The following ITGA11 variants were observed in gnomAD, a reference collection of about 807,000 sequenced individuals.
The protein encoded by ITGA11 is integrin subunit alpha 11, also known as integrin alpha-11.
ITGA11 carries 97 observed loss-of-function variants against 141.9 expected under a neutral mutation model. The ratio of observed to expected loss-of-function variants is 0.68; its 90% CI spans 0.58 to 0.81. The LOEUF (loss-of-function observed/expected upper bound fraction) is 0.81. Ranked by LOEUF, ITGA11 falls within the 30% of genes least tolerant of loss-of-function variation. The pLI, the probability that ITGA11 is intolerant of heterozygous loss-of-function variation, is 0.00. For synonymous variants in ITGA11, 658 were observed against 624.6 expected (o/e 1.05, Z -0.80); for missense variants, 1,387 against 1,559.2 (o/e 0.89, Z 1.86).
rs58198221 is a variant in ITGA11 at position 68,335,357 on chromosome 15, G to A, written c.1425+340C>T. 0.074 allele frequency among the ~76,000 whole-genome samples: 11,194 copies of A among 152,264 alleles called. 853 individuals are homozygous for A. Among genetic ancestry groups the A allele is most frequent in the African/African-American group, 0.19 (7,894 of 41,516 alleles). The stretch of plus-strand genomic sequence containing the variant: ...GTTTTCACCACCAATGACTCTTATA[G>A]CTTTCCAATTTGCATTCATCATTGT... On this transcript the variant is annotated intron_variant, in intron 12 of 29. Transcript: ENST00000315757. This position sits in a 1 kb window ranked among gnomAD's most constrained non-coding sequence, Gnocchi z 4.9.
chr15:68,306,613 G>A (rs986888718), intron 28 of ITGA11, among the ~76,000 whole-genome samples: 7 of 152,152 alleles, frequency 4.6e-5, no homozygotes, highest in Admixed American at 4.6e-4. Flanking sequence ...CCAAATGAAT[G>A]AACAAACAAA....
chr15:68,370,346 G>A (rs1196343642), intron 2 of ITGA11, among the ~76,000 whole-genome samples: 1 of 152,216 alleles, frequency 6.6e-6, no homozygotes, highest in African/African-American at 2.4e-5. Context: ...CGACCCTGGA[G>A]GTGCGGCTGT....
At chr15:68,395,810 A>G (rs553761968) in intron 2 of ITGA11, among the ~76,000 whole-genome samples, 1 of 145,066 alleles carries the variant, frequency 6.9e-6, no homozygotes, top group African/African-American at 2.6e-5. Context: ...AACATGGCAC[A>G]TGTATACCTA....
chr15:68,326,525 A>T lies in ITGA11; in HGVS notation c.2211+129T>A, dbSNP rs868499784. On this transcript the variant is annotated intron_variant, in intron 17 of 29. Transcript: ENST00000315757. The surrounding 1 kb of genome is among the most constrained non-coding windows in gnomAD (Gnocchi z 6.8). ...TGTGGAGTGGCCAAGGTCAGGGTAC[A>T]CTGTCCCTGGCTGGCTTCCTGAGGT... 1 of 996,454 alleles carries T rather than the reference A, an allele frequency of 1.0e-6. No individual in the cohort carries two copies. Among genetic ancestry groups the T allele is most frequent in the Admixed American group, 2.8e-5 (1 of 35,498 alleles). 61.7% of individuals were successfully genotyped at this position (996,454 alleles called of 1,614,324 possible). A position where few individuals can be genotyped will look rare whatever the true frequency, so the allele number is the denominator to read the frequency against.
At position 68,328,421 on chromosome 15, in the gene ITGA11, C is replaced by G. The variant is rs1483151672; in HGVS notation, c.1902-159G>C. ...GGGGCGAGGTGGAGGATGGAGGGGG[C>G]TTCGGATGTCAAAGGACTGGCAAGA... On this transcript the variant is annotated intron_variant, in intron 15 of 29. Transcript: ENST00000315757. This position sits in a 1 kb window ranked among gnomAD's most constrained non-coding sequence, Gnocchi z 4.8. Among the ~76,000 whole-genome samples, 1 of 151,334 alleles carries G rather than the reference C, an allele frequency of 6.6e-6. No individual in the cohort carries two copies. The highest frequency in any genetic ancestry group is 1.5e-5 in the Non-Finnish European group (1 of 67,850).
At position 68,332,071 on chromosome 15, in the gene ITGA11, C is replaced by A; in HGVS notation, c.1567-9G>T. 6.3e-7 allele frequency: 1 copy of A among 1,581,980 alleles called. No homozygotes were observed. The highest frequency in any genetic ancestry group is 8.6e-7 in the Non-Finnish European group (1 of 1,163,070). ...TTATAAACAAACAGGTTCTGCAAAA[C>A]CAGGGGCAGAAAAAGGCTGGGGAGG... On this transcript the variant is annotated splice_polypyrimidine_tract_variant and intron_variant, in intron 13 of 29. Transcript: ENST00000315757.
chr15:68,410,267 T>C (rs1008937500), intron 1 of ITGA11, among the ~76,000 whole-genome samples: 8 of 152,228 alleles, frequency 5.3e-5, no homozygotes, highest in Admixed American at 1.3e-4. Context: ...CACTGGTTCT[T>C]TGGGCTCTGC....
At chr15:68,406,397 C>T (rs1360320154) in intron 1 of ITGA11, among the ~76,000 whole-genome samples, 2 of 152,126 alleles carry the variant, frequency 1.3e-5, no homozygotes, top group Non-Finnish European at 2.9e-5. Context: ...GCTGTCCTTC[C>T]AACTTCAGAC....
intron 7 of ITGA11, among the ~76,000 whole-genome samples, chr15:68,352,873 C>T (rs1894958821): frequency 6.6e-6 from 1 of 152,202 alleles, no homozygotes; most frequent in Non-Finnish European, 1.5e-5. Flanking sequence ...AACTGGCTCC[C>T]AAATCACCAC....
At chr15:68,337,453 T>A (rs1595865911) in intron 11 of ITGA11, among the ~76,000 whole-genome samples, 1 of 152,136 alleles carries the variant, frequency 6.6e-6, no homozygotes, top group South Asian at 2.1e-4. Flanking sequence ...ACAGGAGGAA[T>A]CTTCCAGCAG....
At chr15:68,431,512 A>AC (rs979571057) in intron 1 of ITGA11, among the ~76,000 whole-genome samples, 4 of 151,594 alleles carry the variant, frequency 2.6e-5, no homozygotes, top group Admixed American at 2.6e-4. Context: ...CGCAGCCCTC[A>AC]CCCCCACCCT....
At position 68,310,976 on chromosome 15, in the gene ITGA11, G is replaced by A. The variant is rs551214432; in HGVS notation, c.3174+18C>T. ...TCTAACCCCAACCACTGTGGCTCTC[G>A]GTCTGGGGGACACTCACCAGCTGTG... On this transcript the variant is annotated intron_variant, in intron 26 of 29. Transcript: ENST00000315757. The A allele has an allele frequency of 2.5e-6, 4 of 1,581,470 alleles. No individual in the cohort carries two copies. The highest frequency in any genetic ancestry group is 1.3e-5 in the African/African-American group (1 of 74,120).
At chr15:68,353,749 G>T (rs1894984291) in intron 7 of ITGA11, among the ~76,000 whole-genome samples, 1 of 152,140 alleles carries the variant, frequency 6.6e-6, no homozygotes, top group South Asian at 2.1e-4. Context: ...AGAAACCAGA[G>T]TGGCCCATGG....
rs148252789 is a variant in ITGA11, at chr15:68,381,771, G to T, written c.165-12487C>A. Among the ~76,000 whole-genome samples, 151 of 152,326 alleles carry T rather than the reference G, an allele frequency of 9.9e-4. 1 individual carries two copies. In the East Asian group the frequency reaches 0.027, roughly 27 times the overall value. On this transcript the variant is annotated intron_variant, in intron 2 of 29. Transcript: ENST00000315757. ...GGGTTTTGCCATGTTGGCCAGGCTG[G>T]TCTTGAACTTCTGACCTCAGGTGAT...
intron 26 of ITGA11, among the ~76,000 whole-genome samples, chr15:68,310,303 C>A (rs1285283910): frequency 6.6e-6 from 1 of 152,168 alleles, no homozygotes; most frequent in Non-Finnish European, 1.5e-5. Flanking sequence ...AGTGTTGCTG[C>A]CGTGCTGCCC....
At chr15:68,426,361 A>G (rs762432075) in intron 1 of ITGA11, among the ~76,000 whole-genome samples, 1 of 152,126 alleles carries the variant, frequency 6.6e-6, no homozygotes, top group Non-Finnish European at 1.5e-5. Flanking sequence ...CCAAACCTTG[A>G]CCCTGAGAAT....
intron 1 of ITGA11, among the ~76,000 whole-genome samples, chr15:68,405,458 G>A (rs12050670): frequency 6.6e-6 from 1 of 151,740 alleles, no homozygotes; most frequent in East Asian, 1.9e-4. Context: ...CCACTCTATC[G>A]TCACGATTCC....
chr15:68,320,665 C>T (rs547145931), intron 19 of ITGA11, among the ~76,000 whole-genome samples: 6 of 152,330 alleles, frequency 3.9e-5, no homozygotes, highest in South Asian at 2.1e-4. Flanking sequence ...TCACCACTCA[C>T]GCATCACCAC....
chr15:68,387,375 G>A (rs1172883202), intron 2 of ITGA11, among the ~76,000 whole-genome samples: 1 of 152,116 alleles, frequency 6.6e-6, no homozygotes, highest in East Asian at 1.9e-4. Context: ...TAAGTGTGTG[G>A]TTCTCAGAGT....
Sources: gnomAD v4.1 joint callset for allele counts (sites outside exome capture counted in the v4.1 genomes callset) on GRCh38, gnomAD v4.1.1 for gene constraint, Gnocchi (gnomAD v3.1) non-coding constraint, MANE v1.5 for transcripts, NCBI Gene and HGNC (gene_info 2026-07-23, HGNC 2026-07-21) for gene names.